PDE7A: variants seen among roughly 807,000 people sequenced by gnomAD.
The protein encoded by PDE7A is high affinity 3',5'-cyclic-AMP phosphodiesterase 7A.
Under a neutral mutation model 64.3 loss-of-function variants are expected in PDE7A, and 39 were observed. That is an observed-to-expected ratio of 0.61 (90% CI 0.47 to 0.79). The LOEUF (loss-of-function observed/expected upper bound fraction) is 0.79. Ranked by LOEUF, PDE7A falls within the 30% of genes least tolerant of loss-of-function variation. The pLI, the probability that PDE7A is intolerant of heterozygous loss-of-function variation, is 0.00. For synonymous variants in PDE7A, 203 were observed against 206.8 expected, an observed-to-expected ratio of 0.98 and a Z score of 0.16; for missense variants, 470 against 582.8, an observed-to-expected ratio of 0.81 and a Z score of 1.99.
intron 7 of PDE7A, among the ~76,000 whole-genome samples, chr8:65,732,256 C>T (rs1471362237): frequency 6.6e-6 from 1 of 152,154 alleles, no homozygotes; most frequent in African/African-American, 2.4e-5. Flanking sequence ...GCCTCGGCCT[C>T]CCAAAATGCT....
chr8:65,841,197 G>C (rs1295746462), intron 1 of PDE7A, among the ~76,000 whole-genome samples, 174 bp downstream of exon 1: 2 of 152,160 alleles, frequency 1.3e-5, no homozygotes, highest in Non-Finnish European at 2.9e-5. Flanking sequence ...GGAGAACTGA[G>C]GGGGGACAGC....
intron 12 of PDE7A, among the ~76,000 whole-genome samples, chr8:65,720,758 G>C (rs1158006247): frequency 6.6e-6 from 1 of 152,194 alleles, no homozygotes; most frequent in Non-Finnish European, 1.5e-5. Flanking sequence ...TGAGGAGAAA[G>C]AGATAACAAA....
intron 2 of PDE7A, among the ~76,000 whole-genome samples, chr8:65,781,622 G>A (rs1315838182): frequency 6.6e-6 from 1 of 152,172 alleles, no homozygotes; most frequent in East Asian, 1.9e-4. Flanking sequence ...GAAATAGGAA[G>A]TAAAAAAATG....
In PDE7A at chr8:65,772,123, C is replaced by T. The variant is rs1461387143; in HGVS notation, c.283+7597G>A. 4.6e-5 allele frequency among the ~76,000 whole-genome samples: 7 copies of T among 151,974 alleles called. No homozygotes were observed. The East Asian group carries it at 9.6e-4, about 21-fold the overall frequency. ...TAAGCAATGAAAGAACAGAAAGAGACAACAATTTTACAACAGGGAAATTAA... is the reference window on the plus strand; with the variant it reads ...TAAGCAATGAAAGAACAGAAAGAGATAACAATTTTACAACAGGGAAATTAA... On this transcript the variant is annotated intron_variant, in intron 3 of 12. Transcript: ENST00000401827.
intron 1 of PDE7A, among the ~76,000 whole-genome samples, chr8:65,808,478 A>T (rs1197246501): frequency 6.6e-6 from 1 of 152,078 alleles, no homozygotes; most frequent in Non-Finnish European, 1.5e-5. Flanking sequence ...GTTTTTTTTT[A>T]AAAACAAACT....
intron 1 of PDE7A, among the ~76,000 whole-genome samples, chr8:65,789,444 T>C (rs979570355): frequency 2.6e-5 from 4 of 152,242 alleles, no homozygotes; most frequent in African/African-American, 9.6e-5. Context: ...ATCTTTTCAA[T>C]TTTTAATTGA....
intron 7 of PDE7A, among the ~76,000 whole-genome samples, chr8:65,730,476 AG>A (rs938628053): frequency 1.3e-5 from 2 of 151,922 alleles, no homozygotes; most frequent in Non-Finnish European, 2.9e-5. Flanking sequence ...CACCAAGCCC[AG>A]CCAGCACACT....
rs866979142 is a variant in PDE7A at position 65,747,740 on chromosome 8, C to T, written c.347G>A (p.Arg116Gln). Residue 116 changes from arginine to glutamine, a missense_variant, in exon 4 of 13, where the codon CGA becomes CAA. By Grantham distance (43) the Arg-to-Gln change is conservative. Coordinates refer to ENST00000401827, the MANE Select transcript of PDE7A (RefSeq NM_001242318.3). Reference protein sequence around the residue: ...RNIRRLLSFQRYLRSSRFFRG... With the variant: ...RNIRRLLSFQQYLRSSRFFRG... ...AAAAAAGCGTGAAGATCTAAGATAT[C>T]GCTGGAAACTTAGTAGCCTTCTGAT... 3 of 1,609,312 alleles carry T rather than the reference C, an allele frequency of 1.9e-6. No homozygotes were observed. The highest frequency in any genetic ancestry group is 2.2e-5 in the East Asian group (1 of 44,774).
intron 1 of PDE7A, among the ~76,000 whole-genome samples, chr8:65,827,126 T>C (rs1810697393): frequency 6.6e-6 from 1 of 152,202 alleles, no homozygotes; most frequent in South Asian, 2.1e-4. Flanking sequence ...TAAACACTAT[T>C]CAACCCCACT....
Position 65,804,539 on chromosome 8 carries a change from G to GC in PDE7A, c.139-21697dup, listed in dbSNP as rs1810068708. 3.0e-5 allele frequency among the ~76,000 whole-genome samples: 4 copies of GC among 131,778 alleles called. No homozygotes were observed. The South Asian group carries it at 6.8e-4, about 23-fold the overall frequency. 86.5% of individuals were successfully genotyped at this position (131,778 alleles called of 152,430 possible). ...AGAAAGCTGAAAGTTTCATTTTGTT[G>GC]CTTTTTTTTTTTTTTTTTTTGAAGA... is the stretch of plus-strand genomic sequence containing the variant. On this transcript the variant is annotated intron_variant, in intron 1 of 12. Coordinates refer to ENST00000401827, the MANE Select transcript of PDE7A (RefSeq NM_001242318.3).
At chr8:65,755,652 T>C (rs1278479937) in intron 3 of PDE7A, among the ~76,000 whole-genome samples, 1 of 152,236 alleles carries the variant, frequency 6.6e-6, no homozygotes, top group Non-Finnish European at 1.5e-5. Flanking sequence ...AAAAGAGGTG[T>C]TATAAACCAA....
chr8:65,768,865 A>ATTTTG (rs1808931985), intron 3 of PDE7A, among the ~76,000 whole-genome samples: 3 of 152,214 alleles, frequency 2.0e-5, no homozygotes, highest in African/African-American at 2.4e-5. Context: ...AAAATAATAC[A>ATTTTG]AAAAGGTCAA....
intron 1 of PDE7A, among the ~76,000 whole-genome samples, chr8:65,819,101 C>T (rs1478032215): frequency 1.3e-5 from 2 of 152,166 alleles, no homozygotes; most frequent in Non-Finnish European, 2.9e-5. Flanking sequence ...GGCTGCTTTA[C>T]AAAAGTAATG....
chr8:65,836,844 T>G (rs879489625), intron 1 of PDE7A, among the ~76,000 whole-genome samples: 4 of 152,198 alleles, frequency 2.6e-5, no homozygotes, highest in Non-Finnish European at 4.4e-5. Context: ...GCAAAAACAT[T>G]TCCATCATCA....
At chr8:65,832,657 A>T (rs1294725441) in intron 1 of PDE7A, among the ~76,000 whole-genome samples, 1 of 152,044 alleles carries the variant, frequency 6.6e-6, no homozygotes. Context: ...GCTAATTTTT[A>T]AAATTTTTTT....
chr8:65,758,946 C>T (rs901817963), intron 3 of PDE7A, among the ~76,000 whole-genome samples: 20 of 152,142 alleles, frequency 1.3e-4, no homozygotes, highest in African/African-American at 4.8e-4. Context: ...CATAGGCAGC[C>T]TCTGTCTCTC....
chr8:65,811,511 G>A (rs1280340530), intron 1 of PDE7A, among the ~76,000 whole-genome samples: 2 of 152,196 alleles, frequency 1.3e-5, no homozygotes, highest in African/African-American at 4.8e-5. Flanking sequence ...TTCCACAGAG[G>A]TTAGCCTCTT....
At chr8:65,796,697 C>T (rs963211905) in intron 1 of PDE7A, among the ~76,000 whole-genome samples, 3 of 151,988 alleles carry the variant, frequency 2.0e-5, no homozygotes, top group African/African-American at 7.2e-5. Context: ...AACTTCTTCA[C>T]CATATAAAGG....
At chr8:65,748,174 C>T (rs1585865147) in intron 3 of PDE7A, among the ~76,000 whole-genome samples, 1 of 151,612 alleles carries the variant, frequency 6.6e-6, no homozygotes, top group African/African-American at 2.4e-5. Flanking sequence ...GGAGCAGAAA[C>T]ATGGAAAAAA....
Sources: allele counts gnomAD v4.1 joint callset (sites outside exome capture counted in the v4.1 genomes callset), GRCh38; gene constraint gnomAD v4.1.1; transcripts MANE v1.5; gene names NCBI Gene and HGNC (gene_info 2026-07-23, HGNC 2026-07-21).